The following SGCD variants were observed in gnomAD, a reference collection of about 807,000 sequenced individuals.
SGCD encodes sarcoglycan delta.
SGCD carries 18 observed loss-of-function variants against 36.6 expected under a neutral mutation model. That is an observed-to-expected ratio of 0.49 (90% CI 0.34 to 0.73). SGCD has a LOEUF of 0.73. Among genes scored for constraint, SGCD ranks in the 30% least tolerant of loss-of-function variants. SGCD has a pLI of 0.01. For missense variants in SGCD, 387 were observed against 346.7 expected, an observed-to-expected ratio of 1.12 and a Z score of -0.92; for synonymous variants, 133 against 130.6, an observed-to-expected ratio of 1.02 and a Z score of -0.12.
At chr5:156,014,737 T>A (rs1205599957) in intron 1 of SGCD, among the ~76,000 whole-genome samples, 1 of 152,174 alleles carries the variant, frequency 6.6e-6, no homozygotes, top group Middle Eastern at 3.2e-3. Flanking sequence ...CCAAGAGCAG[T>A]TTATTTTTCC....
At chr5:156,688,208 C>T (rs1448215769) in intron 7 of SGCD, among the ~76,000 whole-genome samples, 1 of 152,126 alleles carries the variant, frequency 6.6e-6, no homozygotes, top group African/African-American at 2.4e-5. Flanking sequence ...TCCTCTCCCT[C>T]CTCCCAATAA....
At chr5:155,943,755 A>G (rs1474885703) in intron 1 of SGCD, among the ~76,000 whole-genome samples, 2 of 150,478 alleles carry the variant, frequency 1.3e-5, no homozygotes, top group African/African-American at 2.5e-5. Context: ...TCCTCTGAAA[A>G]CATGTACACA....
At chr5:156,232,292 C>A (rs537737926) in intron 3 of SGCD, among the ~76,000 whole-genome samples, 2 of 152,074 alleles carry the variant, frequency 1.3e-5, no homozygotes, top group Admixed American at 1.3e-4. Flanking sequence ...CTTAAGAATC[C>A]CTACTTGATT....
At chr5:156,117,467 T>A (rs933563100) in intron 1 of SGCD, among the ~76,000 whole-genome samples, 3 of 152,152 alleles carry the variant, frequency 2.0e-5, no homozygotes, top group Non-Finnish European at 2.9e-5. Context: ...TTTTTCCTGT[T>A]TTCCTCCTTT....
intron 3 of SGCD, among the ~76,000 whole-genome samples, chr5:156,277,914 A>G (rs1766357478): frequency 6.6e-6 from 1 of 152,170 alleles, no homozygotes; most frequent in African/African-American, 2.4e-5. Context: ...CATGAAACTG[A>G]AGGTCTGATC....
intron 3 of SGCD, among the ~76,000 whole-genome samples, chr5:156,190,938 A>G (rs954289795): frequency 6.6e-6 from 1 of 152,148 alleles, no homozygotes; most frequent in African/African-American, 2.4e-5. Context: ...AATATATATG[A>G]TTTGTATATT....
intron 1 of SGCD, among the ~76,000 whole-genome samples, chr5:156,069,011 T>C (rs1200463517): frequency 4.6e-5 from 7 of 152,166 alleles, no homozygotes. Context: ...TCATTGTAGA[T>C]TCTGGATATT....
intron 1 of SGCD, among the ~76,000 whole-genome samples, chr5:155,995,986 C>CAAAAAAAAA (rs753195795): frequency 4.3e-5 from 2 of 46,258 alleles, no homozygotes; most frequent in African/African-American, 1.1e-4. Flanking sequence ...CAGACCACAC[C>CAAAAAAAAA]AAAAAAAAAA....
chr5:155,736,913 G>A, the SGCD span, among the ~76,000 whole-genome samples: 29 of 152,242 alleles, frequency 1.9e-4, no homozygotes, highest in African/African-American at 6.7e-4. Context: ...GGTGATAGTC[G>A]GATCAGGAAA....
intron 3 of SGCD, among the ~76,000 whole-genome samples, chr5:156,168,619 T>A (rs1366722346): frequency 6.6e-6 from 1 of 152,308 alleles, no homozygotes; most frequent in African/African-American, 2.4e-5. Context: ...ATAAGGCCAA[T>A]AAATACACCT....
chr5:156,685,174 G>T (rs750332762), intron 7 of SGCD, among the ~76,000 whole-genome samples: 9 of 152,174 alleles, frequency 5.9e-5, no homozygotes, highest in Non-Finnish European at 1.0e-4. Flanking sequence ...GGGTGGTAGA[G>T]TGGAGTCAGC....
intron 6 of SGCD, among the ~76,000 whole-genome samples, chr5:156,641,305 T>C (rs1266338373): frequency 6.6e-6 from 1 of 152,206 alleles, no homozygotes; most frequent in Non-Finnish European, 1.5e-5. Context: ...ATTGTAGCCA[T>C]GTTTACTAGC....
At chr5:155,801,125 C>T in the SGCD span, among the ~76,000 whole-genome samples, 2 of 152,120 alleles carry the variant, frequency 1.3e-5, no homozygotes, top group African/African-American at 2.4e-5. Context: ...GCCTTCTTGG[C>T]CTTCCAAGGA....
At chr5:156,217,340 T>A (rs1764601749) in intron 3 of SGCD, among the ~76,000 whole-genome samples, 1 of 152,198 alleles carries the variant, frequency 6.6e-6, no homozygotes, top group Non-Finnish European at 1.5e-5. Flanking sequence ...TTTTAAGGGT[T>A]ATTTCAAAAT....
intron 3 of SGCD, among the ~76,000 whole-genome samples, chr5:156,413,677 C>A (rs763166982): frequency 2.6e-5 from 4 of 152,178 alleles, no homozygotes; most frequent in Non-Finnish European, 4.4e-5. Context: ...GAGACAGAGT[C>A]TCAGAAACCT....
chr5:156,489,729 AAG>A (rs1755853526), intron 3 of SGCD, among the ~76,000 whole-genome samples: 1 of 152,096 alleles, frequency 6.6e-6, no homozygotes, highest in African/African-American at 2.4e-5. Flanking sequence ...AAGCAGCACT[AAG>A]AGGAAAGTTT....
intron 1 of SGCD, among the ~76,000 whole-genome samples, chr5:156,089,770 A>G (rs141215910): frequency 1.1e-4 from 17 of 152,310 alleles, no homozygotes; most frequent in African/African-American, 4.1e-4. Context: ...TATTTTCTGA[A>G]TAGTCTTCTG....
chr5:156,220,013 T>G (rs2127645199), intron 3 of SGCD, among the ~76,000 whole-genome samples: 1 of 152,296 alleles, frequency 6.6e-6, no homozygotes, highest in East Asian at 1.9e-4. Context: ...TTAACCCCTT[T>G]GTAGAGTTTG....
chr5:156,181,619 G>C (rs1763608932), intron 3 of SGCD, among the ~76,000 whole-genome samples: 1 of 152,126 alleles, frequency 6.6e-6, no homozygotes, highest in Non-Finnish European at 1.5e-5. Context: ...ACTAGGTATG[G>C]GGCAGTAGGG....
Sources: gnomAD v4.1 joint callset for allele counts (sites outside exome capture counted in the v4.1 genomes callset) on GRCh38, gnomAD v4.1.1 for gene constraint, MANE v1.5 for transcripts, NCBI Gene and HGNC (gene_info 2026-07-23, HGNC 2026-07-21) for gene names.